Variants in TNNI3K observed in about 807,000 individuals in gnomAD.
The protein encoded by TNNI3K is serine/threonine-protein kinase TNNI3K.
A neutral mutation model predicts 114.5 loss-of-function variants in TNNI3K; 140 were observed. The observed-to-expected ratio is 1.22, with a 90% CI of 1.07 to 1.41. The LOEUF (loss-of-function observed/expected upper bound fraction) is 1.41, where lower values mean the gene tolerates loss of function less well. Among genes scored for constraint, TNNI3K ranks in the 40% most tolerant of loss-of-function variants. TNNI3K has a pLI of 0.00. For synonymous variants in TNNI3K, 347 were observed against 347.5 expected, an observed-to-expected ratio of 1.00 and a Z score of 0.02; for missense variants, 1,125 against 1,007.6, an observed-to-expected ratio of 1.12 and a Z score of -1.58.
chr1:74,264,103 G>A (rs888490180), intron 4 of TNNI3K, among the ~76,000 whole-genome samples: 2 of 150,548 alleles, frequency 1.3e-5, no homozygotes, highest in Admixed American at 1.3e-4. Context: ...GAGGTGAGGG[G>A]AAAAAATAGG....
At chr1:74,378,423 C>T (rs1379629375) in intron 17 of TNNI3K, among the ~76,000 whole-genome samples, 3 of 150,836 alleles carry the variant, frequency 2.0e-5, no homozygotes, top group East Asian at 3.9e-4. Context: ...GTTGTTGAGG[C>T]GGTCCCTATC....
At chr1:74,347,809 G>T (rs1251153288) in intron 9 of TNNI3K, among the ~76,000 whole-genome samples, 1 of 152,172 alleles carries the variant, frequency 6.6e-6, no homozygotes, top group African/African-American at 2.4e-5. Flanking sequence ...CTTTTGAGAA[G>T]TGTCTGTTCA....
At chr1:74,250,798 G>A (rs369640177) in intron 4 of TNNI3K, 29 bp downstream of exon 4, 5 of 1,481,184 alleles carry the variant, frequency 3.4e-6, no homozygotes, top group Non-Finnish European at 4.6e-6. Context: ...CATAAACACT[G>A]CATTGGAACT....
intron 17 of TNNI3K, among the ~76,000 whole-genome samples, chr1:74,425,890 A>G (rs562245014): frequency 1.4e-4 from 22 of 152,186 alleles, no homozygotes; most frequent in Non-Finnish European, 2.9e-4. Flanking sequence ...CGTGGTTGAT[A>G]ACTTCCATTC....
At chr1:74,498,584 A>G (rs1008792716) in intron 23 of TNNI3K, among the ~76,000 whole-genome samples, 1 of 152,142 alleles carries the variant, frequency 6.6e-6, no homozygotes, top group Non-Finnish European at 1.5e-5. Context: ...TTAGGCTGTA[A>G]ATACCAGGCT....
In TNNI3K at chr1:74,334,793, A is replaced by G. The variant is rs146686891; in HGVS notation, c.544-1218A>G. Among the ~76,000 whole-genome samples the G allele has an allele frequency of 2.5e-3, 377 of 152,282 alleles. 1 individual carries two copies. Among genetic ancestry groups the G allele is most frequent in the African/African-American group, 8.2e-3 (339 of 41,564 alleles). On this transcript the variant is annotated intron_variant, in intron 6 of 24. Transcript: ENST00000326637. ...AAGCTGCCATGAAAATCAAGAATCA[A>G]GTCAACTACCACTGGCTCTGGCCAG...
intron 21 of TNNI3K, chr1:74,471,114 G>T: frequency 2.5e-6 from 1 of 400,746 alleles, no homozygotes; most frequent in East Asian, 3.6e-5. Context: ...ATTTTGATGT[G>T]TTTCCATCAG....
intron 17 of TNNI3K, among the ~76,000 whole-genome samples, chr1:74,403,253 C>T (rs1290141207): frequency 6.6e-6 from 1 of 152,006 alleles, no homozygotes; most frequent in African/African-American, 2.4e-5. Context: ...TGTTTTCGAA[C>T]CTTCAAAAAA....
chr1:74,495,552 T>C (rs2100319808), intron 23 of TNNI3K, among the ~76,000 whole-genome samples: 1 of 152,308 alleles, frequency 6.6e-6, no homozygotes, highest in South Asian at 2.1e-4. Context: ...TAAATACCTG[T>C]CACTATTGAA....
intron 23 of TNNI3K, among the ~76,000 whole-genome samples, chr1:74,534,196 T>A (rs1646630702): frequency 7.4e-6 from 1 of 135,520 alleles, no homozygotes; most frequent in Non-Finnish European, 1.5e-5. Flanking sequence ...TTTAAAACAA[T>A]TCTCTGTAAT....
At chr1:74,517,639 C>T (rs796311333) in intron 23 of TNNI3K, among the ~76,000 whole-genome samples, 1 of 152,130 alleles carries the variant, frequency 6.6e-6, no homozygotes, top group South Asian at 2.1e-4. Context: ...CAGTGGCAAC[C>T]TCAATTAGGT....
intron 9 of TNNI3K, among the ~76,000 whole-genome samples, chr1:74,351,373 A>G (rs6424585): frequency 0.77 from 114,252 of 149,144 alleles, 46,745 homozygotes; most frequent in East Asian, 0.9. Flanking sequence ...TGGGTAACCC[A>G]ACCTTTCTCT....
chr1:74,542,441 A>T (rs1231575147), intron 24 of TNNI3K, among the ~76,000 whole-genome samples: 1 of 152,182 alleles, frequency 6.6e-6, no homozygotes, highest in Non-Finnish European at 1.5e-5. Context: ...GTTTTAGTCT[A>T]CACAGAATTT....
intron 21 of TNNI3K, among the ~76,000 whole-genome samples, chr1:74,481,753 G>T (rs549304669): frequency 6.6e-6 from 1 of 152,296 alleles, no homozygotes; most frequent in South Asian, 2.1e-4. Context: ...ACTCAATAAA[G>T]AAGTATTATA....
chr1:74,236,261 C>T (rs1653853304), intron 2 of TNNI3K, 51 bp downstream of exon 2: 1 of 1,502,064 alleles, frequency 6.7e-7, no homozygotes, highest in Non-Finnish European at 9.1e-7. Context: ...TCAGTATTCA[C>T]CTTATTTTTT....
Position 74,443,049 on chromosome 1 carries a change from TC to T in TNNI3K, c.2011+3428del, listed in dbSNP as rs1666447770. Among the ~76,000 whole-genome samples, 3 of 151,848 alleles carry T rather than the reference TC, an allele frequency of 2.0e-5. No homozygotes were observed. In the South Asian group the frequency reaches 6.2e-4, roughly 32 times the overall value. Reference sequence around the variant, plus strand: ...AAATTTATAGCACTAAATGCCCACCTCAAAAAGCTAGAAAGATCTCAAATTG... The same window carrying T: ...AAATTTATAGCACTAAATGCCCACCTAAAAAGCTAGAAAGATCTCAAATTG... On this transcript the variant is annotated intron_variant, in intron 20 of 24. Transcript: ENST00000326637.
At chr1:74,497,871 T>A (rs918560213) in intron 23 of TNNI3K, among the ~76,000 whole-genome samples, 1 of 152,178 alleles carries the variant, frequency 6.6e-6, no homozygotes, top group African/African-American at 2.4e-5. Flanking sequence ...GAGTCCGAAA[T>A]CCTCAGTGAT....
At chr1:74,383,010 T>TTGC (rs1663279351) in intron 17 of TNNI3K, among the ~76,000 whole-genome samples, 1 of 152,074 alleles carries the variant, frequency 6.6e-6, no homozygotes, top group Non-Finnish European at 1.5e-5. Context: ...ACCTCCTGAA[T>TTGC]TGCTGGGTTT....
chr1:74,283,333 AAC>A (rs1474968845), intron 5 of TNNI3K, among the ~76,000 whole-genome samples: 1 of 152,212 alleles, frequency 6.6e-6, no homozygotes, highest in African/African-American at 2.4e-5. Context: ...TCTGGAGATA[AAC>A]ACAAGATCAT....
Sources: allele counts gnomAD v4.1 joint callset (sites outside exome capture counted in the v4.1 genomes callset), GRCh38; gene constraint gnomAD v4.1.1; transcripts MANE v1.5; gene names NCBI Gene and HGNC (gene_info 2026-07-23, HGNC 2026-07-21).